USH2A: variants seen among roughly 807,000 people sequenced by gnomAD.
USH2A encodes Usher syndrome 2A (autosomal recessive, mild).
A neutral mutation model predicts 538.9 loss-of-function variants in USH2A; 443 were observed. That is an observed-to-expected ratio of 0.82 (90% CI 0.76 to 0.89). The LOEUF (loss-of-function observed/expected upper bound fraction) is 0.89, where lower values mean the gene tolerates loss of function less well. Ranked by LOEUF, USH2A falls within the 40% of genes least tolerant of loss-of-function variation. USH2A has a pLI of 0.00. For synonymous variants in USH2A, 2,413 were observed against 2,273.5 expected, an observed-to-expected ratio of 1.06 and a Z score of -1.75; for missense variants, 6,633 against 6,324.8, an observed-to-expected ratio of 1.05 and a Z score of -1.65.
chr1:215,858,554 C>A (rs1199126276), intron 44 of USH2A, among the ~76,000 whole-genome samples: 2 of 150,264 alleles, frequency 1.3e-5, no homozygotes, highest in Non-Finnish European at 2.9e-5. Context: ...GAGGCCTTTC[C>A]AGCCATGCAG....
intron 4 of USH2A, among the ~76,000 whole-genome samples, chr1:216,363,731 C>T (rs1231263463): frequency 6.6e-6 from 1 of 151,620 alleles, no homozygotes; most frequent in Non-Finnish European, 1.5e-5. Context: ...TGCAACTATA[C>T]AATTGCATAG....
intron 43 of USH2A, among the ~76,000 whole-genome samples, chr1:215,873,801 CAA>C (rs35816736): frequency 0.03 from 3,777 of 127,634 alleles, 55 homozygotes; most frequent in Middle Eastern, 0.076. Flanking sequence ...ATTGTCATTG[CAA>C]AAAAAAAAAA....
chr1:215,986,593 C>A (rs9308440), intron 35 of USH2A, among the ~76,000 whole-genome samples: 26,215 of 152,116 alleles, frequency 0.17, 2,752 homozygotes, highest in African/African-American at 0.29. Context: ...GATTACCAGG[C>A]TGATGAAATC....
intron 32 of USH2A, among the ~76,000 whole-genome samples, chr1:216,045,958 C>T (rs1015071955): frequency 6.6e-6 from 1 of 151,332 alleles, no homozygotes; most frequent in Non-Finnish European, 1.5e-5. Flanking sequence ...AAATAAGCAA[C>T]CCAATTTCAA....
chr1:215,647,358 G>C (rs1479694370), intron 67 of USH2A, among the ~76,000 whole-genome samples, 164 bp downstream of exon 67: 1 of 152,070 alleles, frequency 6.6e-6, no homozygotes, highest in African/African-American at 2.4e-5. Flanking sequence ...AAATCCAGTA[G>C]GCATTTTTCC....
intron 37 of USH2A, among the ~76,000 whole-genome samples, chr1:215,951,659 A>G (rs1666918480): frequency 6.6e-6 from 1 of 151,912 alleles, no homozygotes; most frequent in Non-Finnish European, 1.5e-5. Context: ...TGGGGTGTTA[A>G]AGTCTCCCAT....
intron 38 of USH2A, among the ~76,000 whole-genome samples, chr1:215,920,192 A>G (rs1227561886): frequency 6.6e-6 from 1 of 152,074 alleles, no homozygotes; most frequent in African/African-American, 2.4e-5. Flanking sequence ...AGATTCAGAA[A>G]CTGTGGGGAA....
chr1:215,971,516 G>A (rs992424860), intron 35 of USH2A, among the ~76,000 whole-genome samples: 3 of 152,062 alleles, frequency 2.0e-5, no homozygotes, highest in Non-Finnish European at 4.4e-5. Context: ...AACACTTTGG[G>A]AGGCCAAAGC....
chr1:215,805,251 T>C (rs1662466407), intron 49 of USH2A, among the ~76,000 whole-genome samples: 1 of 151,408 alleles, frequency 6.6e-6, no homozygotes, highest in African/African-American at 2.4e-5. Flanking sequence ...AACCTGCACG[T>C]TGTGCACATG....
chr1:215,680,493 A>AG, intron 61 of USH2A, 117 bp from the exon 62 acceptor site: 1 of 923,908 alleles, frequency 1.1e-6, no homozygotes, highest in East Asian at 2.4e-5. Context: ...CAGCGCAAAC[A>AG]CTACAGCAGA....
chr1:216,038,077 C>G (rs1042954025), intron 32 of USH2A, among the ~76,000 whole-genome samples: 3 of 151,996 alleles, frequency 2.0e-5, no homozygotes, highest in African/African-American at 4.8e-5. Flanking sequence ...AATTAGGAAA[C>G]AGACAAAATG....
In USH2A at chr1:216,025,533, T is replaced by G. The variant is rs147020734; in HGVS notation, c.6325+20898A>C. Among the ~76,000 whole-genome samples the G allele has an allele frequency of 6.8e-3, 1,037 of 152,176 alleles. 3 individuals are homozygous for G. The highest frequency in any genetic ancestry group is 0.011 in the Non-Finnish European group (777 of 67,924). On this transcript the variant is annotated intron_variant, in intron 32 of 71. Transcript: ENST00000307340. ...ATTTATTTATGGTGATAGAGTGGAA[T>G]ACAACGGTCATTAAAACCACATAGT...
chr1:215,819,092 G>A (rs561436130), intron 47 of USH2A, among the ~76,000 whole-genome samples: 64 of 151,728 alleles, frequency 4.2e-4, no homozygotes, highest in African/African-American at 1.4e-3. Context: ...TATGTGTAGC[G>A]TACATTTTAC....
At chr1:215,778,202 C>T (rs961498025) in intron 55 of USH2A, among the ~76,000 whole-genome samples, 1 of 152,066 alleles carries the variant, frequency 6.6e-6, no homozygotes. Flanking sequence ...CAGATGCACA[C>T]CACCATGCCC....
chr1:216,328,291 A>G (rs1393364928), intron 4 of USH2A, among the ~76,000 whole-genome samples: 1 of 152,118 alleles, frequency 6.6e-6, no homozygotes, highest in African/African-American at 2.4e-5. Flanking sequence ...AGACCAATCT[A>G]CTTTGAATTA....
chr1:216,310,076 T>C (rs544308089), intron 9 of USH2A, among the ~76,000 whole-genome samples: 1 of 152,290 alleles, frequency 6.6e-6, no homozygotes, highest in South Asian at 2.1e-4. Context: ...GAGCTGGTTT[T>C]ATTCTTCAAT....
chr1:215,838,023 T>G lies in USH2A; in HGVS notation c.9339A>C (p.Ile3113=), dbSNP rs1571735204. The part of the protein sequence containing the change: ...ITTVEDTPSD[I]PTPTIRGITS... ...TGATGCCACGAATTGTGGGTGTTGG[T>G]ATATCACTTGGAGTGTCTTCCACAG... Residue 3113 remains isoleucine (I), a synonymous_variant, in exon 47 of 72, where the codon ATA becomes ATC. Coordinates refer to ENST00000307340, the MANE Select transcript of USH2A (RefSeq NM_206933.4). 6.2e-7 allele frequency: 1 copy of G among 1,614,066 alleles called. No individual in the cohort carries two copies. The highest frequency in any genetic ancestry group is 8.5e-7 in the Non-Finnish European group (1 of 1,179,946).
intron 5 of USH2A, among the ~76,000 whole-genome samples, chr1:216,326,482 G>C (rs554359370): frequency 6.6e-6 from 1 of 152,102 alleles, no homozygotes; most frequent in Non-Finnish European, 1.5e-5. Flanking sequence ...TTTTGAATGG[G>C]ACCAAAAGCT....
chr1:216,215,699 A>T lies in USH2A; in HGVS notation c.3157+1688T>A, dbSNP rs181800103. On this transcript the variant is annotated intron_variant, in intron 15 of 71. Coordinates refer to ENST00000307340, the MANE Select transcript of USH2A (RefSeq NM_206933.4). ...AAACAGAAGCAGCAACAACCACAAG[A>T]GTTGAAGAACTGTGCTCAGTATGAT... 2.5e-3 allele frequency among the ~76,000 whole-genome samples: 387 copies of T among 152,254 alleles called. 6 individuals carry two copies. Among genetic ancestry groups the T allele is most frequent in the Non-Finnish European group, 1.8e-3 (120 of 68,010 alleles).
Sources: gnomAD v4.1 joint callset for allele counts (sites outside exome capture counted in the v4.1 genomes callset) on GRCh38, gnomAD v4.1.1 for gene constraint, MANE v1.5 for transcripts, NCBI Gene and HGNC (gene_info 2026-07-23, HGNC 2026-07-21) for gene names.